Variants in ADTRP observed in about 807,000 individuals in gnomAD.
ADTRP encodes the protein androgen-dependent TFPI-regulating protein.
ADTRP carries 20 observed loss-of-function variants against 27.0 expected under a neutral mutation model. That is an observed-to-expected ratio of 0.74 (90% confidence interval 0.52 to 1.08). The LOEUF (loss-of-function observed/expected upper bound fraction) is 1.08, where lower values mean the gene tolerates loss of function less well. Ranked by LOEUF, ADTRP falls within the 50% of genes least tolerant of loss-of-function variation. The probability of loss-of-function intolerance (pLI) is 0.00; values close to 1 mark genes in which losing one functional copy is unlikely to be tolerated. For synonymous variants in ADTRP, 101 were observed against 105.2 expected, an observed-to-expected ratio of 0.96 and a Z score of 0.25; for missense variants, 251 against 275.0, an observed-to-expected ratio of 0.91 and a Z score of 0.62.
intron 3 of ADTRP, among the ~76,000 whole-genome samples, chr6:11,745,170 ATCTCTCTCTCTC>A (rs56245898): frequency 6.8e-6 from 1 of 147,808 alleles, no homozygotes; most frequent in African/African-American, 2.5e-5. Flanking sequence ...GGGTTAGTCA[ATCTCTCTCTCTC>A]TCTCTCTCTC....
intron 4 of ADTRP, among the ~76,000 whole-genome samples, chr6:11,728,077 G>A (rs551997215): frequency 6.6e-6 from 1 of 152,122 alleles, no homozygotes; most frequent in African/African-American, 2.4e-5. Context: ...CCCCAAGTTT[G>A]ATCCCATGAA....
Position 11,764,337 on chromosome 6 carries a change from G to C in ADTRP, c.390+1937C>G, listed in dbSNP as rs192524707. Among the ~76,000 whole-genome samples the C allele has an allele frequency of 6.6e-4, 101 of 152,178 alleles. 1 individual carries two copies. Among genetic ancestry groups the C allele is most frequent in the Non-Finnish European group, 1.2e-3 (80 of 67,990 alleles). On this transcript the variant is annotated intron_variant, in intron 3 of 5. Coordinates refer to ENST00000414691, the MANE Select transcript of ADTRP (RefSeq NM_032744.4). ...TCCAACTTTACATCAACCCTGAAGT[G>C]GGGGGGAGATGGTAGTCATTGTGAA...
At chr6:11,762,083 G>A (rs1269900619) in intron 3 of ADTRP, among the ~76,000 whole-genome samples, 2 of 152,222 alleles carry the variant, frequency 1.3e-5, no homozygotes, top group East Asian at 3.8e-4. Context: ...GAATGCTAAT[G>A]ATATCATCTT....
At chr6:11,740,192 G>A (rs540404517) in intron 3 of ADTRP, among the ~76,000 whole-genome samples, 2 of 152,164 alleles carry the variant, frequency 1.3e-5, no homozygotes, top group East Asian at 1.9e-4. Context: ...GCCACATTCC[G>A]ATCTGCGAAT....
chr6:11,719,852 A>G (rs1295235260), intron 5 of ADTRP, among the ~76,000 whole-genome samples: 1 of 151,496 alleles, frequency 6.6e-6, no homozygotes, highest in Non-Finnish European at 1.5e-5. Context: ...ATCAACTCAA[A>G]GGGGAGAATG....
At chr6:11,766,179 A>G in intron 3 of ADTRP, 95 bp downstream of exon 3, 2 of 897,752 alleles carry the variant, frequency 2.2e-6, no homozygotes, top group Non-Finnish European at 3.4e-6. Context: ...GGATGCTGGG[A>G]ATTGAGACAT....
At chr6:11,725,878 C>T (rs539505537) in intron 4 of ADTRP, among the ~76,000 whole-genome samples, 40 of 112,162 alleles carry the variant, frequency 3.6e-4, no homozygotes, top group Admixed American at 1.4e-4. Context: ...CCAGCCTGGG[C>T]GAGAGAATGA....
intron 5 of ADTRP, 73 bp from the exon 6 acceptor site, chr6:11,714,585 G>A: frequency 2.6e-6 from 4 of 1,529,272 alleles, no homozygotes; most frequent in Non-Finnish European, 3.6e-6. Context: ...TGTGGGTAGA[G>A]ATTCACTCTG....
intron 1 of ADTRP, among the ~76,000 whole-genome samples, chr6:11,775,603 A>G (rs918109928): frequency 3.9e-5 from 6 of 151,914 alleles, no homozygotes; most frequent in African/African-American, 1.5e-4. Flanking sequence ...GTCCTCTCCT[A>G]CCTTCACTCT....
chr6:11,731,584 G>T (rs995214738), intron 4 of ADTRP, among the ~76,000 whole-genome samples: 3 of 152,106 alleles, frequency 2.0e-5, no homozygotes, highest in Non-Finnish European at 4.4e-5. Flanking sequence ...TTGCTCTCAC[G>T]CTTTCTGCAC....
At chr6:11,729,126 CG>C (rs1288362314) in intron 4 of ADTRP, among the ~76,000 whole-genome samples, 1 of 152,130 alleles carries the variant, frequency 6.6e-6, no homozygotes, top group East Asian at 1.9e-4. Context: ...GAAATACCGA[CG>C]TCTGTGGGTG....
At chr6:11,731,155 G>A (rs1410926432) in intron 4 of ADTRP, among the ~76,000 whole-genome samples, 11 of 152,326 alleles carry the variant, frequency 7.2e-5, no homozygotes, top group African/African-American at 2.4e-4. Context: ...TTGGAAAACT[G>A]GACCAAGACC....
intron 1 of ADTRP, among the ~76,000 whole-genome samples, chr6:11,774,832 A>T (rs1458918757): frequency 6.6e-6 from 1 of 152,122 alleles, no homozygotes; most frequent in Non-Finnish European, 1.5e-5. Flanking sequence ...GGGATTAGGG[A>T]CAGTCCCTGG....
At chr6:11,746,959 C>G (rs1395715158) in intron 3 of ADTRP, among the ~76,000 whole-genome samples, 1 of 152,222 alleles carries the variant, frequency 6.6e-6, no homozygotes, top group East Asian at 1.9e-4. Flanking sequence ...CCAGAGGCCA[C>G]TGCCGTCAGT....
intron 5 of ADTRP, 122 bp from the exon 6 acceptor site, chr6:11,714,634 G>A: frequency 2.7e-6 from 3 of 1,102,998 alleles, no homozygotes; most frequent in Non-Finnish European, 4.0e-6. Context: ...TTTTCCCAAG[G>A]TGACAAGATG....
At chr6:11,729,976 A>G (rs1313981110) in intron 4 of ADTRP, among the ~76,000 whole-genome samples, 5 of 152,188 alleles carry the variant, frequency 3.3e-5, no homozygotes, top group Non-Finnish European at 7.3e-5. Context: ...TGTTTCAACA[A>G]TGTGTCTCAG....
At chr6:11,746,427 G>C (rs1762868435) in intron 3 of ADTRP, among the ~76,000 whole-genome samples, 2 of 152,090 alleles carry the variant, frequency 1.3e-5, no homozygotes, top group Admixed American at 6.5e-5. Context: ...TGTGGTGGGG[G>C]GTAGGCTGGC....
In ADTRP at chr6:11,759,420, T is replaced by C. The variant is rs11963837; in HGVS notation, c.390+6854A>G. 2.2e-3 allele frequency among the ~76,000 whole-genome samples: 336 copies of C among 152,334 alleles called. 3 individuals are homozygous for C. The highest frequency in any genetic ancestry group is 7.8e-3 in the African/African-American group (326 of 41,570). ...TACCTTTTCTACTTTTACCACACTT[T>C]GCATCTGTATCATACAATCTCTATC... On this transcript the variant is annotated intron_variant, in intron 3 of 5. Coordinates refer to ENST00000414691, the MANE Select transcript of ADTRP (RefSeq NM_032744.4).
At chr6:11,758,679 T>A (rs1176372691) in intron 3 of ADTRP, among the ~76,000 whole-genome samples, 2 of 150,988 alleles carry the variant, frequency 1.3e-5, no homozygotes, top group African/African-American at 4.9e-5. Flanking sequence ...GTAACTAACC[T>A]GCACGTTGTG....
Sources: gnomAD v4.1 joint callset for allele counts (sites outside exome capture counted in the v4.1 genomes callset) on GRCh38, gnomAD v4.1.1 for gene constraint, MANE v1.5 for transcripts, NCBI Gene and HGNC (gene_info 2026-07-23, HGNC 2026-07-21) for gene names.